The following HNF4G variants were observed in gnomAD, a reference collection of about 807,000 sequenced individuals.
HNF4G encodes hepatocyte nuclear factor 4-gamma.
In HNF4G, 21 loss-of-function variants were observed where a neutral mutation model predicts 50.9. The ratio of observed to expected loss-of-function variants is 0.41; its 90% CI spans 0.29 to 0.59. The LOEUF (loss-of-function observed/expected upper bound fraction) is 0.59. HNF4G is among the 20% of genes least tolerant of loss of function. The pLI is 0.26. For synonymous variants in HNF4G, 198 were observed against 185.6 expected (o/e 1.07, Z -0.54); for missense variants, 527 against 559.4 (o/e 0.94, Z 0.58).
intron 1 of HNF4G, among the ~76,000 whole-genome samples, chr8:75,467,252 A>G (rs1812009622): frequency 6.6e-6 from 1 of 152,214 alleles, no homozygotes; most frequent in African/African-American, 2.4e-5. Context: ...ATTATGTGCT[A>G]AACATTTTAG....
Position 75,558,815 on chromosome 8 carries a change from A to C in HNF4G, c.901A>C (p.Ser301Arg), listed in dbSNP as rs142979219. The C allele has an allele frequency of 1.3e-4, 203 of 1,613,944 alleles. No individual in the cohort carries two copies. The African/African-American group carries it at 2.4e-3, about 19-fold the overall frequency. Residue 301 changes from serine to arginine, a missense_variant, in exon 8 of 10, where the codon AGC becomes CGC. By Grantham distance (110) the Ser-to-Arg change is moderately radical. Transcript: ENST00000396423. ...TCCTTTGTTAGATGCAAAAGGGCTA[A>C]GCGATCCAGTAAAAATTAAGAACAT... is the stretch of plus-strand genomic sequence containing the variant. Reference protein sequence around the residue: ...VFFDPDAKGLSDPVKIKNMRF... With the variant: ...VFFDPDAKGLRDPVKIKNMRF...
intron 1 of HNF4G, among the ~76,000 whole-genome samples, chr8:75,419,548 C>A (rs536075513): frequency 1.3e-5 from 2 of 152,262 alleles, no homozygotes; most frequent in Non-Finnish European, 2.9e-5. Context: ...GAGATAAATA[C>A]ACATAAGCCT....
chr8:75,532,581 G>A (rs188943062), intron 2 of HNF4G, among the ~76,000 whole-genome samples: 1 of 152,110 alleles, frequency 6.6e-6, no homozygotes, highest in African/African-American at 2.4e-5. Flanking sequence ...AAGTGAATGG[G>A]GTAAGAGAAG....
In HNF4G at chr8:75,543,993, C is replaced by T; in HGVS notation, c.287+14C>T. ...TTATTCTTGCAGGTACTTTAAATGC[C>T]CTTTTAGGCAAGTTATCTTTACAGA... On this transcript the variant is annotated intron_variant, in intron 2 of 9. Coordinates refer to ENST00000396423, the MANE Select transcript of HNF4G (RefSeq NM_004133.5). 6.4e-7 allele frequency: 1 copy of T among 1,553,166 alleles called. No individual in the cohort carries two copies. Among genetic ancestry groups the T allele is most frequent in the Admixed American group, 2.0e-5 (1 of 50,282 alleles).
chr8:75,509,601 C>A (rs915009290), intron 2 of HNF4G, among the ~76,000 whole-genome samples: 2 of 152,156 alleles, frequency 1.3e-5, no homozygotes, highest in Non-Finnish European at 2.9e-5. Flanking sequence ...GCATAATATG[C>A]CACATAATGA....
intron 1 of HNF4G, among the ~76,000 whole-genome samples, chr8:75,469,530 A>C (rs1444886894): frequency 6.6e-6 from 1 of 152,118 alleles, no homozygotes; most frequent in Non-Finnish European, 1.5e-5. Context: ...CTACTCATTT[A>C]CTTGTGTTTT....
At chr8:75,558,692 A>G in intron 7 of HNF4G, 22 bp downstream of exon 7, 2 of 1,600,962 alleles carry the variant, frequency 1.2e-6, no homozygotes, top group Middle Eastern at 1.7e-4. Flanking sequence ...AAATTCCACT[A>G]GAGAATTAAT....
intron 1 of HNF4G, among the ~76,000 whole-genome samples, chr8:75,421,513 A>G (rs1010606670): frequency 6.6e-6 from 1 of 152,354 alleles, no homozygotes; most frequent in East Asian, 1.9e-4. Context: ...TATCATCTCT[A>G]TCTTAATTAT....
rs1455664889 is a variant in HNF4G at position 75,447,641 on chromosome 8, T to G, written c.-144+39479T>G. 2.2e-4 allele frequency among the ~76,000 whole-genome samples: 33 copies of G among 152,108 alleles called. 2 individuals carry two copies. The highest frequency in any genetic ancestry group is 2.4e-5 in the African/African-American group (1 of 41,434). Reference sequence around the variant, plus strand: ...GGTGAAGGACATGAACAGACACTTCTCAAAAGAATACATTTATACAGCCAA... The same window carrying G: ...GGTGAAGGACATGAACAGACACTTCGCAAAAGAATACATTTATACAGCCAA... On this transcript the variant is annotated intron_variant, in intron 1 of 10. Coordinates refer to the HNF4G transcript ENST00000354370.
Position 75,430,489 on chromosome 8 carries a change from AGAGAGAGAGAGAGG to A in HNF4G, c.-144+22341_-144+22354del, listed in dbSNP as rs1233862057. On this transcript the variant is annotated intron_variant, in intron 1 of 10. Coordinates refer to the HNF4G transcript ENST00000354370. Reference sequence around the variant, plus strand: ...GGGTAGGGAGTAGAGAGAGAGAGAGAGAGAGAGAGAGAGGGAGAGAGAGAGAGAGAGAGCAAGAG... The same window carrying A: ...GGGTAGGGAGTAGAGAGAGAGAGAGAGAGAGAGAGAGAGAGAGAGCAAGAG... Among the ~76,000 whole-genome samples, 1,341 of 149,066 alleles carry A rather than the reference AGAGAGAGAGAGAGG, an allele frequency of 9.0e-3. 20 individuals are homozygous for A. Among genetic ancestry groups the A allele is most frequent in the African/African-American group, 0.031 (1,249 of 40,416 alleles).
intron 2 of HNF4G, among the ~76,000 whole-genome samples, chr8:75,531,892 T>C (rs1806336473): frequency 6.6e-6 from 1 of 152,062 alleles, no homozygotes; most frequent in Admixed American, 6.6e-5. Flanking sequence ...ACTGTATTCA[T>C]TGGCCATATA....
chr8:75,420,005 C>A (rs1429632134), intron 1 of HNF4G, among the ~76,000 whole-genome samples: 1 of 152,100 alleles, frequency 6.6e-6, no homozygotes, highest in Admixed American at 6.5e-5. Flanking sequence ...AGTTGCTTAA[C>A]CAACTGAAAT....
intron 1 of HNF4G, among the ~76,000 whole-genome samples, chr8:75,429,765 CATT>C (rs1211088825): frequency 6.6e-6 from 1 of 152,176 alleles, no homozygotes; most frequent in Non-Finnish European, 1.5e-5. Context: ...CATAGCATTT[CATT>C]GCAGTGTTCC....
At chr8:75,479,577 A>ATT (rs66931689) in intron 1 of HNF4G, among the ~76,000 whole-genome samples, 172 of 144,556 alleles carry the variant, frequency 1.2e-3, no homozygotes, top group African/African-American at 2.5e-3. Flanking sequence ...CTTCATTTGC[A>ATT]TTTTTTTTTT....
intron 1 of HNF4G, among the ~76,000 whole-genome samples, chr8:75,447,569 C>T (rs1380908065): frequency 1.3e-5 from 2 of 149,480 alleles, no homozygotes; most frequent in Non-Finnish European, 3.0e-5. Context: ...CTACAATGAA[C>T]TCAAACAAAT....
chr8:75,439,207 T>A (rs1017428316), intron 1 of HNF4G, among the ~76,000 whole-genome samples: 2 of 152,066 alleles, frequency 1.3e-5, no homozygotes, highest in Non-Finnish European at 2.9e-5. Flanking sequence ...ATATAATTAT[T>A]TTTAACTTTT....
chr8:75,555,855 A>G, intron 5 of HNF4G, 127 bp from the exon 6 acceptor site: 1 of 453,796 alleles, frequency 2.2e-6, no homozygotes, highest in East Asian at 3.3e-5. Flanking sequence ...GCATGTATCT[A>G]TGAATACTAT....
At chr8:75,478,358 C>A (rs1047589583) in intron 1 of HNF4G, among the ~76,000 whole-genome samples, 46 of 152,200 alleles carry the variant, frequency 3.0e-4, no homozygotes, top group Non-Finnish European at 1.0e-4. Context: ...AGGAATTCTG[C>A]ATATTAGAAT....
intron 1 of HNF4G, among the ~76,000 whole-genome samples, chr8:75,485,369 TG>T (rs1812476015): frequency 6.6e-6 from 1 of 152,194 alleles, no homozygotes; most frequent in East Asian, 1.9e-4. Context: ...TCTTGTGAAT[TG>T]GCACACAATT....
Sources: gnomAD v4.1 joint callset for allele counts (sites outside exome capture counted in the v4.1 genomes callset) on GRCh38, gnomAD v4.1.1 for gene constraint, MANE v1.5 for transcripts, NCBI Gene and HGNC (gene_info 2026-07-23, HGNC 2026-07-21) for gene names.